Variants in TBC1D19 observed in about 807,000 individuals in gnomAD.
The protein encoded by TBC1D19 is TBC1 domain family, member 19.
A neutral mutation model predicts 89.0 loss-of-function variants in TBC1D19; 60 were observed. That is an observed-to-expected ratio of 0.67 (90% CI 0.55 to 0.84). The LOEUF (loss-of-function observed/expected upper bound fraction) is 0.84. Ranked by LOEUF, TBC1D19 falls within the 40% of genes least tolerant of loss-of-function variation. The pLI is 0.00. For synonymous variants in TBC1D19, 189 were observed against 199.7 expected (o/e 0.95, Z 0.45); for missense variants, 500 against 610.8 (o/e 0.82, Z 1.91).
chr4:26,631,306 C>T (rs144539388), intron 4 of TBC1D19, among the ~76,000 whole-genome samples: 1 of 152,164 alleles, frequency 6.6e-6, no homozygotes, highest in Non-Finnish European at 1.5e-5. Context: ...TGGACTGATA[C>T]AGATCTTATG....
chr4:26,790,985 G>T, the TBC1D19 span, among the ~76,000 whole-genome samples: 1 of 152,078 alleles, frequency 6.6e-6, no homozygotes, highest in African/African-American at 2.4e-5. Flanking sequence ...CAAATGTCGG[G>T]TGTCCCTTAA....
chr4:26,657,816 T>G (rs1056962552), intron 7 of TBC1D19, among the ~76,000 whole-genome samples: 1 of 152,242 alleles, frequency 6.6e-6, no homozygotes, highest in Non-Finnish European at 1.5e-5. Context: ...TGGTTTTGAT[T>G]TGCATTTCTC....
At chr4:26,685,020 C>A (rs1464487176) in intron 12 of TBC1D19, among the ~76,000 whole-genome samples, 1 of 152,036 alleles carries the variant, frequency 6.6e-6, no homozygotes, top group South Asian at 2.1e-4. Context: ...TGGGGTAGAC[C>A]CACTCAAAAT....
At chr4:26,719,345 C>G (rs1192082917) in intron 14 of TBC1D19, among the ~76,000 whole-genome samples, 1 of 151,960 alleles carries the variant, frequency 6.6e-6, no homozygotes, top group Non-Finnish European at 1.5e-5. Flanking sequence ...CCACCCCTAA[C>G]AAGAATAAAA....
At position 26,755,414 on chromosome 4, in the gene TBC1D19, A is replaced by G. The variant is rs1270888850; in HGVS notation, c.*467A>G. 1 of 152,336 alleles carries G rather than the reference A, an allele frequency of 6.6e-6. No homozygotes were observed. Among genetic ancestry groups the G allele is most frequent in the African/African-American group, 2.4e-5 (1 of 41,542 alleles). 9.4% of individuals were successfully genotyped at this position (152,336 alleles called of 1,614,324 possible). A position where few individuals can be genotyped will look rare whatever the true frequency, so the allele number is the denominator to read the frequency against. Reference sequence around the variant, plus strand: ...CAGGGGTGGGGTAGGGTGTGAGAACACTTGAAAAAGATAATGTTTTTAAGT... The same window carrying G: ...CAGGGGTGGGGTAGGGTGTGAGAACGCTTGAAAAAGATAATGTTTTTAAGT... On this transcript the variant is annotated 3_prime_UTR_variant, in exon 21 of 21. Coordinates refer to ENST00000264866, the MANE Select transcript of TBC1D19 (RefSeq NM_018317.4).
chr4:26,669,138 G>A (rs1015628737), intron 9 of TBC1D19, among the ~76,000 whole-genome samples: 1 of 151,634 alleles, frequency 6.6e-6, no homozygotes, highest in Non-Finnish European at 1.5e-5. Flanking sequence ...CTGAGTGTAC[G>A]TAATAATGAA....
At chr4:26,765,061 G>T in the TBC1D19 span, among the ~76,000 whole-genome samples, 9 of 152,134 alleles carry the variant, frequency 5.9e-5, no homozygotes, top group Admixed American at 6.6e-5. Flanking sequence ...AGGACAATAG[G>T]AGTAGGGTAG....
At chr4:26,809,622 A>G in the TBC1D19 span, among the ~76,000 whole-genome samples, 1 of 152,292 alleles carries the variant, frequency 6.6e-6, no homozygotes, top group South Asian at 2.1e-4. Context: ...AATGTGGCCA[A>G]TACAGGGTGC....
intron 1 of TBC1D19, among the ~76,000 whole-genome samples, chr4:26,604,177 G>A (rs149298151): frequency 0.016 from 2,198 of 135,374 alleles, 35 homozygotes; most frequent in Non-Finnish European, 0.026. Context: ...TTTTTGAGAC[G>A]GAGTGTCGCT....
At chr4:26,642,914 A>C (rs1056787829) in intron 7 of TBC1D19, among the ~76,000 whole-genome samples, 1 of 152,192 alleles carries the variant, frequency 6.6e-6, no homozygotes, top group Non-Finnish European at 1.5e-5. Context: ...ATATAGAAGC[A>C]CCCAGATTCA....
At chr4:26,837,826 T>C in the TBC1D19 span, among the ~76,000 whole-genome samples, 1 of 152,014 alleles carries the variant, frequency 6.6e-6, no homozygotes, top group African/African-American at 2.4e-5. Flanking sequence ...AAAGGCTGGT[T>C]AGAAAGGAGG....
chr4:26,715,186 A>T (rs1032339496), intron 13 of TBC1D19, among the ~76,000 whole-genome samples: 1 of 152,028 alleles, frequency 6.6e-6, no homozygotes, highest in African/African-American at 2.4e-5. Context: ...CAAATTTAGC[A>T]TGTTGAAAAA....
chr4:26,693,278 G>A (rs748540378), intron 13 of TBC1D19, among the ~76,000 whole-genome samples: 1 of 152,100 alleles, frequency 6.6e-6, no homozygotes, highest in Non-Finnish European at 1.5e-5. Context: ...AAACAAATAA[G>A]CAAATAACAA....
At chr4:26,850,154 A>G in the TBC1D19 span, among the ~76,000 whole-genome samples, 8 of 152,084 alleles carry the variant, frequency 5.3e-5, no homozygotes, top group Non-Finnish European at 1.2e-4. Flanking sequence ...GAGTGTGACT[A>G]TATTTGGAGA....
At chr4:26,777,966 A>T in the TBC1D19 span, among the ~76,000 whole-genome samples, 1 of 151,226 alleles carries the variant, frequency 6.6e-6, no homozygotes, top group East Asian at 2.0e-4. Flanking sequence ...CAAGCTACTG[A>T]GGAGGCTGAG....
chr4:26,780,723 C>T, the TBC1D19 span, among the ~76,000 whole-genome samples: 1 of 152,180 alleles, frequency 6.6e-6, no homozygotes, highest in Non-Finnish European at 1.5e-5. Flanking sequence ...GTAACACCTC[C>T]CTTGAGAGTA....
chr4:26,760,213 A>G (rs1472943203), downstream of TBC1D19, among the ~76,000 whole-genome samples: 4 of 152,162 alleles, frequency 2.6e-5, no homozygotes, highest in African/African-American at 4.8e-5. Flanking sequence ...CCATTTATAC[A>G]TATTCTTTTG....
At chr4:26,821,890 G>C in the TBC1D19 span, among the ~76,000 whole-genome samples, 1 of 152,232 alleles carries the variant, frequency 6.6e-6, no homozygotes, top group African/African-American at 2.4e-5. Flanking sequence ...CCACCTGCAT[G>C]CTCTCCTGAG....
the TBC1D19 span, among the ~76,000 whole-genome samples, chr4:26,835,278 T>C: frequency 6.6e-6 from 1 of 152,090 alleles, no homozygotes; most frequent in African/African-American, 2.4e-5. Flanking sequence ...GCAGGTAGCC[T>C]GTAGAAGCCG....
Sources: gnomAD v4.1 joint callset for allele counts (sites outside exome capture counted in the v4.1 genomes callset) on GRCh38, gnomAD v4.1.1 for gene constraint, MANE v1.5 for transcripts, NCBI Gene and HGNC (gene_info 2026-07-23, HGNC 2026-07-21) for gene names.